The following BMP10 variants were observed in gnomAD, a reference collection of about 807,000 sequenced individuals.
The protein encoded by BMP10 is bone morphogenetic protein 10.
In BMP10, 9 loss-of-function variants were observed where a neutral mutation model predicts 29.9. The observed-to-expected ratio is 0.30, with a 90% CI of 0.18 to 0.53. BMP10 has a LOEUF of 0.53. Ranked by LOEUF, BMP10 falls within the 20% of genes least tolerant of loss-of-function variation. BMP10 has a pLI of 0.96. For missense variants in BMP10, 474 were observed against 524.3 expected, an observed-to-expected ratio of 0.90 and a Z score of 0.94; for synonymous variants, 202 against 200.2, an observed-to-expected ratio of 1.01 and a Z score of -0.07.
chr2:68,871,163 G>T lies in BMP10; in HGVS notation c.196C>A (p.Leu66Ile). 2 of 1,614,156 alleles carry T rather than the reference G, an allele frequency of 1.2e-6. No homozygotes were observed. The highest frequency in any genetic ancestry group is 2.2e-5 in the South Asian group (2 of 91,082). The change falls in exon 1 of 2, where the codon CTA (leucine) becomes ATA (isoleucine). Residue 66 changes from leucine to isoleucine, a missense_variant. This residue lies in a region of BMP10 where 408 missense variants were observed against 415.3 expected (regional missense o/e 0.98). Coordinates refer to ENST00000295379, the MANE Select transcript of BMP10 (RefSeq NM_014482.3). ...QSMKDEFLKT[L>I]NLSDIPTQDS... ...TGCGTGGGGATGTCAGAGAGGTTTA[G>T]TGTCTTAAGAAACTCATCCTTCATG...
At chr2:68,870,426 A>G (rs1683045375) in intron 1 of BMP10, among the ~76,000 whole-genome samples, 1 of 152,230 alleles carries the variant, frequency 6.6e-6, no homozygotes, top group South Asian at 2.1e-4. Flanking sequence ...TGGGCCATCT[A>G]CACTTCCTGG....
chr2:68,869,782 T>A (rs1161210940), intron 1 of BMP10, among the ~76,000 whole-genome samples: 4 of 152,242 alleles, frequency 2.6e-5, no homozygotes, highest in African/African-American at 9.6e-5. Context: ...AACTCAATTT[T>A]AAAGGGAGAT....
rs1682931938 is a variant in BMP10, at chr2:68,865,427, AGGAAAT to A, written c.*198_*203del. Reference sequence around the variant, plus strand: ...AAATCAACAGGGAGGTGGCATTGCCAGGAAATGGCAAGTCCAAAGAGAAAACAGATT... The same window carrying A: ...AAATCAACAGGGAGGTGGCATTGCCAGGCAAGTCCAAAGAGAAAACAGATT... On this transcript the variant is annotated 3_prime_UTR_variant, in exon 2 of 2. Coordinates refer to ENST00000295379, the MANE Select transcript of BMP10 (RefSeq NM_014482.3). This position sits in a 1 kb window ranked among gnomAD's most constrained non-coding sequence, Gnocchi z 4.7. 1 of 585,232 alleles carries A rather than the reference AGGAAAT, an allele frequency of 1.7e-6. No individual in the cohort carries two copies. Among genetic ancestry groups the A allele is most frequent in the Non-Finnish European group, 2.9e-6 (1 of 344,124 alleles). 36.3% of individuals were successfully genotyped at this position (585,232 alleles called of 1,614,324 possible). A position where few individuals can be genotyped will look rare whatever the true frequency, so the allele number is the denominator to read the frequency against.
In BMP10 at chr2:68,862,080, A is replaced by G. The variant is rs536350462; in HGVS notation, c.*3551T>C. 9.2e-5 allele frequency among the ~76,000 whole-genome samples: 14 copies of G among 152,364 alleles called. No individual in the cohort carries two copies. Among genetic ancestry groups the G allele is most frequent in the Admixed American group, 3.9e-4 (6 of 15,306 alleles). On this transcript the variant is annotated 3_prime_UTR_variant, in exon 2 of 2. Transcript: ENST00000295379. ...TACTGAGTAGCAATCACATTCTCTCACAGCCTGACAATATTTGCTTCTCAT... is the reference window on the plus strand; with the variant it reads ...TACTGAGTAGCAATCACATTCTCTCGCAGCCTGACAATATTTGCTTCTCAT...
Position 68,871,379 on chromosome 2 carries a change from G to T in BMP10, c.-21C>A. The T allele has an allele frequency of 6.2e-7, 1 of 1,605,398 alleles. No individual in the cohort carries two copies. The highest frequency in any genetic ancestry group is 8.5e-7 in the Non-Finnish European group (1 of 1,174,894). On this transcript the variant is annotated 5_prime_UTR_variant, in exon 1 of 2. Transcript: ENST00000295379. ...CCCATGACTCCGCTCGAGCTCCTAG[G>T]CCAAGCCAGGAAGGTTTAGCTTCCC...
rs1459176476 is a variant in BMP10, at chr2:68,861,212, G to A, written c.*4419C>T. 3.9e-5 allele frequency among the ~76,000 whole-genome samples: 6 copies of A among 152,162 alleles called. No individual in the cohort carries two copies. The highest frequency in any genetic ancestry group is 1.9e-4 in the East Asian group (1 of 5,196). On this transcript the variant is annotated 3_prime_UTR_variant, in exon 2 of 2. Coordinates refer to ENST00000295379, the MANE Select transcript of BMP10 (RefSeq NM_014482.3). ...ACAGGTTTTACCCCAGAACATGACC[G>A]TGCATCAGCTGATTCGGTGTGTCTG...
chr2:68,862,647 A>G lies in BMP10; in HGVS notation c.*2984T>C, dbSNP rs1682881244. On this transcript the variant is annotated 3_prime_UTR_variant, in exon 2 of 2. Coordinates refer to ENST00000295379, the MANE Select transcript of BMP10 (RefSeq NM_014482.3). ...GACCCAGAAGAAGGTCTATGACCAG[A>G]GAAACATTAGTAAGATTCTACCTTT... is the stretch of plus-strand genomic sequence containing the variant. Among the ~76,000 whole-genome samples the G allele has an allele frequency of 6.6e-6, 1 of 152,176 alleles. No individual in the cohort carries two copies. Among genetic ancestry groups the G allele is most frequent in the African/African-American group, 2.4e-5 (1 of 41,442 alleles).
rs1682948986 is a variant in BMP10, at chr2:68,866,082, G to A, written c.824C>T (p.Ser275Phe). The change falls in exon 2 of 2, where the codon TCC (serine) becomes TTC (phenylalanine). Residue 275 changes from serine to phenylalanine, a missense_variant. Ser to Phe is a radical substitution (Grantham distance 155). Transcript: ENST00000295379. ...ERKEELNEMI[S>F]HEQLPELDNL... ...GTCCAGCTCTGGAAGTTGCTCATGGGAAATCATTTCATTCAGTTCCTCCTT... is the reference window on the plus strand; with the variant it reads ...GTCCAGCTCTGGAAGTTGCTCATGGAAAATCATTTCATTCAGTTCCTCCTT... The A allele has an allele frequency of 4.3e-6, 7 of 1,613,970 alleles. No individual in the cohort carries two copies. Among genetic ancestry groups the A allele is most frequent in the Non-Finnish European group, 5.1e-6 (6 of 1,179,994 alleles).
rs1215164267 is a variant in BMP10 at position 68,864,812 on chromosome 2, TTCCCTTTC to T, written c.*811_*818del. Among the ~76,000 whole-genome samples, 3 of 152,196 alleles carry T rather than the reference TTCCCTTTC, an allele frequency of 2.0e-5. No individual in the cohort carries two copies. Among genetic ancestry groups the T allele is most frequent in the South Asian group, 2.1e-4 (1 of 4,830 alleles). On this transcript the variant is annotated 3_prime_UTR_variant, in exon 2 of 2. Coordinates refer to ENST00000295379, the MANE Select transcript of BMP10 (RefSeq NM_014482.3). ...CTCTGAGGATAACATCAATATCCTC[TTCCCTTTC>T]TCCCTTTCTCCCCTTCAAGTACCCT... is the stretch of plus-strand genomic sequence containing the variant.
rs1012566337 is a variant in BMP10 at position 68,861,667 on chromosome 2, G to A, written c.*3964C>T. Reference sequence around the variant, plus strand: ...TAGGCAAGTTAAAAAGGTTTTGCCAGAACACTGCTAGGCTTCATAATCTGT... The same window carrying A: ...TAGGCAAGTTAAAAAGGTTTTGCCAAAACACTGCTAGGCTTCATAATCTGT... On this transcript the variant is annotated 3_prime_UTR_variant, in exon 2 of 2. Coordinates refer to ENST00000295379, the MANE Select transcript of BMP10 (RefSeq NM_014482.3). 2.6e-5 allele frequency among the ~76,000 whole-genome samples: 4 copies of A among 152,168 alleles called. No homozygotes were observed. The highest frequency in any genetic ancestry group is 9.7e-5 in the African/African-American group (4 of 41,430).
At position 68,865,772 on chromosome 2, in the gene BMP10, G is replaced by A. The variant is rs1327233507; in HGVS notation, c.1134C>T (p.Leu378=). The A allele has an allele frequency of 2.5e-6, 4 of 1,613,996 alleles. No individual in the cohort carries two copies. Among genetic ancestry groups the A allele is most frequent in the Non-Finnish European group, 3.4e-6 (4 of 1,179,992 alleles). The change falls in exon 2 of 2, where the codon CTC becomes CTT. Residue 378 remains leucine (L), a synonymous_variant. Coordinates refer to ENST00000295379, the MANE Select transcript of BMP10 (RefSeq NM_014482.3). The surrounding 1 kb of genome is among the most constrained non-coding windows in gnomAD (Gnocchi z 4.7). ...CTTTGGAAGCTTTCTGGGAATTCTTGAGGTGGACCAAGGCCTGGATAATTG... is the reference window on the plus strand; with the variant it reads ...CTTTGGAAGCTTTCTGGGAATTCTTAAGGTGGACCAAGGCCTGGATAATTG... ...KHAIIQALVH[L]KNSQKASKAC...
chr2:68,868,904 C>T (rs1036536875), intron 1 of BMP10, among the ~76,000 whole-genome samples: 6 of 152,066 alleles, frequency 3.9e-5, no homozygotes, highest in African/African-American at 9.7e-5. Flanking sequence ...TAAATATGTG[C>T]GATTATACTT....
chr2:68,869,657 T>G (rs993411844), intron 1 of BMP10, among the ~76,000 whole-genome samples: 3 of 151,996 alleles, frequency 2.0e-5, no homozygotes, highest in Non-Finnish European at 4.4e-5. Flanking sequence ...TTAGGGAGGG[T>G]TCTTACAGGA....
intron 1 of BMP10, among the ~76,000 whole-genome samples, chr2:68,868,444 A>G (rs1683008047): frequency 6.6e-6 from 1 of 152,102 alleles, no homozygotes; most frequent in Non-Finnish European, 1.5e-5. Context: ...CCATCTTTTT[A>G]TGAATGGATT....
At position 68,863,644 on chromosome 2, in the gene BMP10, G is replaced by A. The variant is rs1438637931; in HGVS notation, c.*1987C>T. Among the ~76,000 whole-genome samples, 1 of 152,028 alleles carries A rather than the reference G, an allele frequency of 6.6e-6. No homozygotes were observed. Among genetic ancestry groups the A allele is most frequent in the Non-Finnish European group, 1.5e-5 (1 of 67,988 alleles). On this transcript the variant is annotated 3_prime_UTR_variant, in exon 2 of 2. Coordinates refer to ENST00000295379, the MANE Select transcript of BMP10 (RefSeq NM_014482.3). ...CATCAATCACTGTATACCCACTGAC[G>A]GTCAAAACACCACTCTTCCATGAGC... is the stretch of plus-strand genomic sequence containing the variant.
rs534512453 is a variant in BMP10, at chr2:68,864,114, C to T, written c.*1517G>A. On this transcript the variant is annotated 3_prime_UTR_variant, in exon 2 of 2. Transcript: ENST00000295379. ...CACCGGACCCTTCCTGTGCAGAACA[C>T]TTCCTCACCACTTTCAGTCCTGGCC... is the stretch of plus-strand genomic sequence containing the variant. 3.9e-5 allele frequency among the ~76,000 whole-genome samples: 6 copies of T among 152,284 alleles called. No homozygotes were observed. The highest frequency in any genetic ancestry group is 2.6e-4 in the Admixed American group (4 of 15,302).
At chr2:68,868,681 A>G (rs956298677) in intron 1 of BMP10, among the ~76,000 whole-genome samples, 1 of 152,204 alleles carries the variant, frequency 6.6e-6, no homozygotes, top group Non-Finnish European at 1.5e-5. Context: ...AGAAGGGAAG[A>G]GACTTGACTC....
At position 68,862,673 on chromosome 2, in the gene BMP10, T is replaced by A. The variant is rs1266048691; in HGVS notation, c.*2958A>T. On this transcript the variant is annotated 3_prime_UTR_variant, in exon 2 of 2. Transcript: ENST00000295379. Reference sequence around the variant, plus strand: ...GAAACATTAGTAAGATTCTACCTTTTTAAGGATCTGACAATATTCTGGCTT... The same window carrying A: ...GAAACATTAGTAAGATTCTACCTTTATAAGGATCTGACAATATTCTGGCTT... Among the ~76,000 whole-genome samples, 2 of 152,016 alleles carry A rather than the reference T, an allele frequency of 1.3e-5. No individual in the cohort carries two copies. Among genetic ancestry groups the A allele is most frequent in the African/African-American group, 4.8e-5 (2 of 41,378 alleles).
Position 68,865,649 on chromosome 2 carries a change from G to A in BMP10, c.1257C>T (p.Ser419=), listed in dbSNP as rs2231348. The A allele has an allele frequency of 3.8e-5, 62 of 1,613,804 alleles. No homozygotes were observed. In the East Asian group the frequency reaches 9.4e-4, roughly 24 times the overall value. The change falls in exon 2 of 2, where the codon TCC becomes TCT. Residue 419 remains serine, a synonymous_variant. Transcript: ENST00000295379. The surrounding 1 kb of genome is among the most constrained non-coding windows in gnomAD (Gnocchi z 4.7). ...TCTTCTTCTATCTACAGCCACATTC[G>A]GAGACGGCCATGCCTTCGTATTTAA... The part of the protein sequence containing the change: ...YKFKYEGMAV[S]ECGCR
Sources: gnomAD v4.1 joint callset for allele counts (sites outside exome capture counted in the v4.1 genomes callset) on GRCh38, gnomAD v4.1.1 for gene constraint, gnomAD v4.1.1 regional missense constraint, Gnocchi (gnomAD v3.1) non-coding constraint, MANE v1.5 for transcripts, NCBI Gene and HGNC (gene_info 2026-07-23, HGNC 2026-07-21) for gene names.